QKI: variants seen among roughly 807,000 people sequenced by gnomAD.
QKI encodes the protein QKI, KH domain containing RNA binding, also known as KH domain-containing RNA-binding protein QKI.
In QKI, 10 loss-of-function variants were observed where a neutral mutation model predicts 39.0. The observed-to-expected ratio is 0.26, with a 90% CI of 0.16 to 0.43. The LOEUF is 0.43. QKI is among the 20% of genes least tolerant of loss of function. The probability of loss-of-function intolerance (pLI) is 1.00; values close to 1 mark genes in which losing one functional copy is unlikely to be tolerated. For missense variants in QKI, 218 were observed against 428.0 expected (o/e 0.51, Z 4.33); for synonymous variants, 204 against 155.4 (o/e 1.31, Z -2.33).
intron 7 of QKI, chr6:163,569,068 CTA>C (rs1783548729): frequency 1.0e-6 from 1 of 957,386 alleles, no homozygotes; most frequent in South Asian, 4.8e-5. Flanking sequence ...TTAATCAAAA[CTA>C]TGAGTAACAT....
At chr6:163,523,618 G>T (rs1239020177) in intron 3 of QKI, among the ~76,000 whole-genome samples, 1 of 152,122 alleles carries the variant, frequency 6.6e-6, no homozygotes, top group African/African-American at 2.4e-5. Context: ...TGAGAAACTA[G>T]TATATTTGTA....
intron 2 of QKI, among the ~76,000 whole-genome samples, chr6:163,473,378 G>A (rs1484044639): frequency 6.6e-6 from 1 of 152,168 alleles, no homozygotes; most frequent in Non-Finnish European, 1.5e-5. Flanking sequence ...AGATTCAGGA[G>A]GTGGGAGGAG....
rs913293512 is a variant in QKI at position 163,576,846 on chromosome 6, A to T, written c.*6136A>T. ...AAGAATTTGACATTCTGGAGTTATT[A>T]TAACATTAGAAAATGAGCATAACAT... is the stretch of plus-strand genomic sequence containing the variant. On this transcript the variant is annotated 3_prime_UTR_variant, in exon 8 of 8. Transcript: ENST00000361752. 6.6e-6 allele frequency: 1 copy of T among 152,244 alleles called. No homozygotes were observed. The highest frequency in any genetic ancestry group is 1.5e-5 in the Non-Finnish European group (1 of 68,050). The allele number at this position is 152,244 out of a possible 1,614,324, so 9.4% of individuals were successfully genotyped here.
At chr6:163,486,505 TC>T in intron 3 of QKI, among the ~76,000 whole-genome samples, 1 of 152,362 alleles carries the variant, frequency 6.6e-6, no homozygotes. Flanking sequence ...TTTAATAACT[TC>T]TTTTACGTGA....
chr6:163,427,242 C>CA (rs1788476453), intron 1 of QKI, among the ~76,000 whole-genome samples: 1 of 112,184 alleles, frequency 8.9e-6, no homozygotes. Context: ...TATACTCGTA[C>CA]CTTTTTTTTT....
chr6:163,427,684 T>TGC (rs1035688599), intron 1 of QKI, among the ~76,000 whole-genome samples: 1 of 152,038 alleles, frequency 6.6e-6, no homozygotes, highest in African/African-American at 2.4e-5. Context: ...TGCATGTGTG[T>TGC]GCGCGCGTGT....
At chr6:163,569,924 A>C in intron 7 of QKI, 6 of 986,954 alleles carry the variant, frequency 6.1e-6, no homozygotes, top group Non-Finnish European at 7.2e-6. Flanking sequence ...CAGTGTTTAC[A>C]TGCAAGTGCA....
At chr6:163,554,406 C>T (rs1251702259) in intron 4 of QKI, among the ~76,000 whole-genome samples, 1 of 152,218 alleles carries the variant, frequency 6.6e-6, no homozygotes, top group African/African-American at 2.4e-5. Context: ...TACACTTAAG[C>T]ATTGGAAAGC....
intron 1 of QKI, among the ~76,000 whole-genome samples, chr6:163,454,875 T>C (rs1281252117): frequency 6.6e-6 from 1 of 152,206 alleles, no homozygotes; most frequent in East Asian, 1.9e-4. Flanking sequence ...AAATTAGTTC[T>C]GAAGTACAAA....
intron 1 of QKI, among the ~76,000 whole-genome samples, chr6:163,415,600 G>A (rs1787388581): frequency 6.6e-6 from 1 of 151,788 alleles, no homozygotes; most frequent in African/African-American, 2.4e-5. Flanking sequence ...GTTGCGGAGG[G>A]CTGCGGGGTG....
chr6:163,558,404 CTTTTTTTTTTT>C (rs964172716), intron 4 of QKI, among the ~76,000 whole-genome samples: 1 of 135,612 alleles, frequency 7.4e-6, no homozygotes. Flanking sequence ...TTTTCTTTTT[CTTTTTTTTTTT>C]TTTTGAGACA....
intron 4 of QKI, among the ~76,000 whole-genome samples, chr6:163,547,968 C>A (rs922239332): frequency 6.6e-6 from 1 of 152,140 alleles, no homozygotes; most frequent in Non-Finnish European, 1.5e-5. Context: ...TAACATGTGC[C>A]TACTTTTCCA....
chr6:163,505,573 C>T (rs1204781920), intron 3 of QKI, among the ~76,000 whole-genome samples: 1 of 152,140 alleles, frequency 6.6e-6, no homozygotes, highest in Non-Finnish European at 1.5e-5. Flanking sequence ...TAATGACTGC[C>T]TACCCGGGTT....
At chr6:163,487,608 C>T (rs571946406) in intron 3 of QKI, among the ~76,000 whole-genome samples, 9 of 151,872 alleles carry the variant, frequency 5.9e-5, no homozygotes, top group African/African-American at 1.9e-4. Context: ...CTCCATTTCT[C>T]TTTCTTGGCT....
intron 4 of QKI, among the ~76,000 whole-genome samples, chr6:163,545,172 G>T (rs117625860): frequency 6.6e-6 from 1 of 152,010 alleles, no homozygotes; most frequent in East Asian, 1.9e-4. Flanking sequence ...AAATGATGGC[G>T]GAGAAAAGCA....
rs527896588 is a variant in QKI, at chr6:163,573,925, G to C, written c.*3215G>C. The stretch of plus-strand genomic sequence containing the variant: ...AGAACGTGACCACAGATAACATAGT[G>C]TGACTTGTTTTTATGTTGTTTGTCA... On this transcript the variant is annotated 3_prime_UTR_variant, in exon 8 of 8. Transcript: ENST00000361752. 1.3e-5 allele frequency: 2 copies of C among 151,802 alleles called. No homozygotes were observed. Among genetic ancestry groups the C allele is most frequent in the African/African-American group, 4.8e-5 (2 of 41,282 alleles). 9.4% of individuals were successfully genotyped at this position (151,802 alleles called of 1,614,324 possible). A position where few individuals can be genotyped will look rare whatever the true frequency, so the allele number is the denominator to read the frequency against.
At chr6:163,428,108 T>C (rs911563002) in intron 1 of QKI, among the ~76,000 whole-genome samples, 5 of 152,212 alleles carry the variant, frequency 3.3e-5, no homozygotes, top group Non-Finnish European at 7.3e-5. Context: ...CTTTAAATTG[T>C]AAGGGAAGAG....
chr6:163,414,834 A>AGCG lies in QKI; in HGVS notation c.-354_-352dup, dbSNP rs1787283171. 7.0e-6 allele frequency: 1 copy of AGCG among 142,264 alleles called. No homozygotes were observed. The highest frequency in any genetic ancestry group is 1.5e-5 in the Non-Finnish European group (1 of 64,764). 8.8% of individuals were successfully genotyped at this position (142,264 alleles called of 1,614,324 possible). On this transcript the variant is annotated 5_prime_UTR_variant, in exon 1 of 8. Coordinates refer to ENST00000361752, the MANE Select transcript of QKI (RefSeq NM_006775.3). ...CTGAGCGGGCTCGACCAGCCGAGCG[A>AGCG]GCGGCGGCCCCGGCTCCTCCTCGTC...
chr6:163,468,326 T>TG (rs1791931573), intron 2 of QKI, among the ~76,000 whole-genome samples: 1 of 152,202 alleles, frequency 6.6e-6, no homozygotes, highest in South Asian at 2.1e-4. Flanking sequence ...AATGAAAACT[T>TG]GGTCTCTCCC....
Sources: gnomAD v4.1 joint callset for allele counts (sites outside exome capture counted in the v4.1 genomes callset) on GRCh38, gnomAD v4.1.1 for gene constraint, MANE v1.5 for transcripts, NCBI Gene and HGNC (gene_info 2026-07-23, HGNC 2026-07-21) for gene names.